PAX5: variants seen among roughly 807,000 people sequenced by gnomAD.
PAX5 encodes paired box protein Pax-5.
In PAX5, 9 loss-of-function variants were observed where a neutral mutation model predicts 43.7. The ratio of observed to expected loss-of-function variants is 0.21; its 90% CI spans 0.12 to 0.36. The LOEUF (loss-of-function observed/expected upper bound fraction) is 0.36. PAX5 is among the 10% of genes least tolerant of loss of function. The pLI is 1.00. For missense variants in PAX5, 383 were observed against 532.7 expected (o/e 0.72, Z 2.77); for synonymous variants, 228 against 214.3 (o/e 1.06, Z -0.56).
intron 6 of PAX5, among the ~76,000 whole-genome samples, chr9:36,924,005 G>A (rs1396223208): frequency 1.3e-5 from 2 of 152,198 alleles, no homozygotes; most frequent in African/African-American, 4.8e-5. Context: ...GGCTCAAGGG[G>A]AGGAGGGCTT....
At chr9:36,843,116 G>C (rs1357534463) in intron 9 of PAX5, among the ~76,000 whole-genome samples, 1 of 151,828 alleles carries the variant, frequency 6.6e-6, no homozygotes, top group Non-Finnish European at 1.5e-5. Flanking sequence ...GAGTGTATGA[G>C]TGTGAGCGTG....
At chr9:36,906,412 G>C (rs1828826311) in intron 7 of PAX5, among the ~76,000 whole-genome samples, 1 of 152,146 alleles carries the variant, frequency 6.6e-6, no homozygotes, top group African/African-American at 2.4e-5. Flanking sequence ...TGGCTTTGAA[G>C]ATGGAGGAAG....
At chr9:37,022,558 A>G (rs1389772834) in intron 1 of PAX5, among the ~76,000 whole-genome samples, 2 of 152,232 alleles carry the variant, frequency 1.3e-5, no homozygotes, top group African/African-American at 2.4e-5. Context: ...ATGACCTGGG[A>G]GTCCAGGTAT....
chr9:36,856,472 C>T (rs1050018128), intron 8 of PAX5: 3 of 152,278 alleles, frequency 2.0e-5, no homozygotes, highest in African/African-American at 4.8e-5. Context: ...GCACTCAGTT[C>T]GGCTCACTTC....
chr9:37,003,618 A>T (rs1211564094), intron 4 of PAX5, among the ~76,000 whole-genome samples: 1 of 152,166 alleles, frequency 6.6e-6, no homozygotes, highest in East Asian at 1.9e-4. Context: ...TGGGAGGATC[A>T]CTTGAGCTCA....
At chr9:36,992,507 C>T (rs796355581) in intron 5 of PAX5, among the ~76,000 whole-genome samples, 1 of 152,230 alleles carries the variant, frequency 6.6e-6, no homozygotes, top group Non-Finnish European at 1.5e-5. Flanking sequence ...GGAAATCAGA[C>T]CTCAAGCCCT....
intron 6 of PAX5, among the ~76,000 whole-genome samples, chr9:36,952,234 C>CTTTTTTTTTTTTTTTTTTTTTT (rs138009049): frequency 1.5e-5 from 1 of 66,626 alleles, no homozygotes; most frequent in Non-Finnish European, 2.6e-5. Flanking sequence ...GACCATCTCC[C>CTTTTTTTTTTTTTTTTTTTTTT]TTTTTTTTTT....
intron 3 of PAX5, among the ~76,000 whole-genome samples, chr9:37,007,055 T>C (rs922590335): frequency 3.3e-5 from 5 of 152,284 alleles, no homozygotes; most frequent in East Asian, 1.9e-4. Context: ...CCCTAGGAAG[T>C]TGCCAAGGGA....
At chr9:36,900,413 TG>T (rs1188217020) in intron 7 of PAX5, among the ~76,000 whole-genome samples, 4 of 152,216 alleles carry the variant, frequency 2.6e-5, no homozygotes, top group Non-Finnish European at 5.9e-5. Context: ...TCCTGCAGCA[TG>T]GGCCAGGCCT....
At chr9:37,033,599 T>TACACACACACAC (rs56039556) in intron 1 of PAX5, among the ~76,000 whole-genome samples, 51 of 149,276 alleles carry the variant, frequency 3.4e-4, no homozygotes, top group South Asian at 6.4e-4. Context: ...AGTATAAAGA[T>TACACACACACAC]ACACACACAC....
intron 7 of PAX5, 175 bp downstream of exon 7, chr9:36,923,180 C>G: frequency 4.5e-6 from 3 of 665,630 alleles, no homozygotes; most frequent in Non-Finnish European, 7.6e-6. Flanking sequence ...CCAGCCATGT[C>G]TCATCACAGC....
intron 9 of PAX5, among the ~76,000 whole-genome samples, chr9:36,841,022 A>ATATT (rs1319273882): frequency 6.6e-6 from 1 of 152,230 alleles, no homozygotes; most frequent in Non-Finnish European, 1.5e-5. Context: ...AAAGCCTAAA[A>ATATT]TATTTACTCT....
At chr9:36,994,524 G>A (rs956709155) in intron 5 of PAX5, among the ~76,000 whole-genome samples, 4 of 152,170 alleles carry the variant, frequency 2.6e-5, no homozygotes, top group East Asian at 1.9e-4. Context: ...CGGCCCCACC[G>A]GCCAGTTCCA....
At chr9:36,965,417 C>T (rs994111351) in intron 6 of PAX5, among the ~76,000 whole-genome samples, 1 of 152,208 alleles carries the variant, frequency 6.6e-6, no homozygotes, top group Non-Finnish European at 1.5e-5. Context: ...CTCTCTGGAC[C>T]TTGGTTTTAC....
At chr9:36,959,108 G>GT (rs1833743599) in intron 6 of PAX5, among the ~76,000 whole-genome samples, 1 of 152,172 alleles carries the variant, frequency 6.6e-6, no homozygotes, top group Admixed American at 6.5e-5. Flanking sequence ...GGATTCCTCA[G>GT]GGGAACTGCC....
intron 7 of PAX5, among the ~76,000 whole-genome samples, chr9:36,905,059 C>T (rs1207148656): frequency 6.6e-6 from 1 of 152,106 alleles, no homozygotes; most frequent in Non-Finnish European, 1.5e-5. Context: ...GGAGGGCTTC[C>T]TAGAGGAGGC....
chr9:37,025,725 G>A (rs1482377036), intron 1 of PAX5, among the ~76,000 whole-genome samples: 1 of 152,240 alleles, frequency 6.6e-6, no homozygotes, highest in Non-Finnish European at 1.5e-5. Flanking sequence ...AGCCAGGCCG[G>A]CCTTGCCCTC....
At position 37,006,549 on chromosome 9, in the gene PAX5, T is replaced by A. The variant is rs766161582; in HGVS notation, c.411-12A>T. 149 of 1,613,034 alleles carry A rather than the reference T, an allele frequency of 9.2e-5. 2 individuals are homozygous for A. The South Asian group carries it at 1.3e-3, about 14-fold the overall frequency. The stretch of plus-strand genomic sequence containing the variant: ...TTGTCCGGATGATCCTGTGGGCAGT[T>A]GAAAAACAAAATTGCTATTTACCAT... On this transcript the variant is annotated splice_polypyrimidine_tract_variant and intron_variant, in intron 3 of 9. Coordinates refer to ENST00000358127, the MANE Select transcript of PAX5 (RefSeq NM_016734.3).
chr9:36,900,370 C>T (rs1014515775), intron 7 of PAX5, among the ~76,000 whole-genome samples: 9 of 152,206 alleles, frequency 5.9e-5, no homozygotes, highest in African/African-American at 2.2e-4. Context: ...GGTCTGCGTC[C>T]ACAGGCGACA....
Sources: gnomAD v4.1 joint callset for allele counts (sites outside exome capture counted in the v4.1 genomes callset) on GRCh38, gnomAD v4.1.1 for gene constraint, MANE v1.5 for transcripts, NCBI Gene and HGNC (gene_info 2026-07-23, HGNC 2026-07-21) for gene names.